CNTNAP2: variants seen among roughly 807,000 people sequenced by gnomAD.
The protein encoded by CNTNAP2 is contactin-associated protein-like 2.
CNTNAP2 carries 98 observed loss-of-function variants against 155.2 expected under a neutral mutation model. That is an observed-to-expected ratio of 0.63 (90% CI 0.54 to 0.75). The LOEUF is 0.75. Among genes scored for constraint, CNTNAP2 ranks in the 30% least tolerant of loss-of-function variants. The pLI, the probability that CNTNAP2 is intolerant of heterozygous loss-of-function variation, is 0.00. For synonymous variants in CNTNAP2, 651 were observed against 631.2 expected, an observed-to-expected ratio of 1.03 and a Z score of -0.47; for missense variants, 1,727 against 1,688.1, an observed-to-expected ratio of 1.02 and a Z score of -0.40.
At chr7:146,594,433 T>TACACACACACACACACAC (rs4016062) in intron 1 of CNTNAP2, among the ~76,000 whole-genome samples, 16 of 149,344 alleles carry the variant, frequency 1.1e-4, no homozygotes, top group African/African-American at 3.7e-4. Context: ...TACTAGTGTT[T>TACACACACACACACACAC]ACACACACAC....
At chr7:146,644,904 A>G (rs1585022212) in intron 1 of CNTNAP2, among the ~76,000 whole-genome samples, 1 of 152,128 alleles carries the variant, frequency 6.6e-6, no homozygotes, top group Non-Finnish European at 1.5e-5. Context: ...CCAGAGGTAC[A>G]AGGAGGAACT....
chr7:147,089,427 CTT>C (rs1800351270), intron 4 of CNTNAP2, among the ~76,000 whole-genome samples: 1 of 152,128 alleles, frequency 6.6e-6, no homozygotes, highest in Admixed American at 6.5e-5. Context: ...GAAAAACATT[CTT>C]GTCTTGTTTT....
intron 13 of CNTNAP2, among the ~76,000 whole-genome samples, chr7:147,730,272 G>C (rs1257675083): frequency 6.6e-6 from 1 of 152,060 alleles, no homozygotes; most frequent in Non-Finnish European, 1.5e-5. Context: ...ATTGGGTTTT[G>C]CTTTATTGAG....
intron 8 of CNTNAP2, among the ~76,000 whole-genome samples, chr7:147,219,434 C>G (rs111855362): frequency 3.3e-5 from 5 of 152,256 alleles, no homozygotes; most frequent in African/African-American, 9.6e-5. Context: ...AGTCCAAAAG[C>G]TGAAGAACTT....
At chr7:147,675,751 G>A (rs1028279231) in intron 13 of CNTNAP2, among the ~76,000 whole-genome samples, 12 of 151,948 alleles carry the variant, frequency 7.9e-5, no homozygotes, top group East Asian at 1.9e-4. Context: ...AGGGGTTAGC[G>A]TTTGGGCATG....
chr7:147,549,403 C>T (rs1178262399), intron 11 of CNTNAP2, among the ~76,000 whole-genome samples: 1 of 151,938 alleles, frequency 6.6e-6, no homozygotes, highest in Non-Finnish European at 1.5e-5. Flanking sequence ...TCTCTGCTTA[C>T]CTATTGTTGG....
chr7:147,195,319 TGTG>T (rs1802767388), intron 8 of CNTNAP2, among the ~76,000 whole-genome samples: 1 of 152,206 alleles, frequency 6.6e-6, no homozygotes, highest in African/African-American at 2.4e-5. Context: ...TTTTGGTTAC[TGTG>T]GTCTTATAGG....
intron 20 of CNTNAP2, among the ~76,000 whole-genome samples, chr7:148,250,000 G>C (rs1013742178): frequency 1.3e-5 from 2 of 152,196 alleles, no homozygotes; most frequent in African/African-American, 4.8e-5. Flanking sequence ...GACAGTCCTC[G>C]TTTCTCTGAG....
intron 1 of CNTNAP2, among the ~76,000 whole-genome samples, chr7:146,183,396 C>A (rs1798576748): frequency 6.6e-6 from 1 of 151,980 alleles, no homozygotes; most frequent in Non-Finnish European, 1.5e-5. Context: ...ACTTTCATGG[C>A]CTTCCAGCAT....
At chr7:146,644,365 G>C (rs1277817018) in intron 1 of CNTNAP2, among the ~76,000 whole-genome samples, 1 of 152,094 alleles carries the variant, frequency 6.6e-6, no homozygotes, top group Non-Finnish European at 1.5e-5. Context: ...TTAGCATGAA[G>C]GGTTGTTGAA....
chr7:148,240,545 T>C (rs1032191889), intron 20 of CNTNAP2, among the ~76,000 whole-genome samples: 1 of 152,168 alleles, frequency 6.6e-6, no homozygotes, highest in African/African-American at 2.4e-5. Context: ...AGGTTATTAT[T>C]AAGACATAAA....
At chr7:146,836,296 C>T (rs1585114825) in intron 2 of CNTNAP2, among the ~76,000 whole-genome samples, 1 of 151,976 alleles carries the variant, frequency 6.6e-6, no homozygotes, top group East Asian at 1.9e-4. Context: ...AACTTCAACC[C>T]TCTGTCCAGC....
intron 2 of CNTNAP2, among the ~76,000 whole-genome samples, chr7:146,785,830 A>G (rs1802566246): frequency 6.6e-6 from 1 of 152,252 alleles, no homozygotes; most frequent in African/African-American, 2.4e-5. Flanking sequence ...TTGAGCTGAT[A>G]AAGCATGCCT....
intron 11 of CNTNAP2, among the ~76,000 whole-genome samples, chr7:147,552,571 AACACACACACACAC>A (rs34755315): frequency 1.4e-5 from 2 of 142,894 alleles, no homozygotes; most frequent in Admixed American, 6.9e-5. Flanking sequence ...TACTTTCCTC[AACACACACACACAC>A]ACACACACAC....
intron 15 of CNTNAP2, among the ~76,000 whole-genome samples, chr7:148,081,359 A>G (rs1405947837): frequency 1.3e-5 from 2 of 152,146 alleles, no homozygotes; most frequent in South Asian, 4.1e-4. Flanking sequence ...AAAGGAGATT[A>G]ACATTTGAGT....
chr7:147,045,785 T>G (rs1288417841), intron 4 of CNTNAP2, among the ~76,000 whole-genome samples: 7 of 152,104 alleles, frequency 4.6e-5, no homozygotes, highest in African/African-American at 1.7e-4. Context: ...AAGAGCCATG[T>G]TTAACTTTTA....
chr7:146,634,320 A>G (rs916627841), intron 1 of CNTNAP2, among the ~76,000 whole-genome samples: 5 of 152,232 alleles, frequency 3.3e-5, no homozygotes, highest in Admixed American at 1.3e-4. Flanking sequence ...TCAATACAGA[A>G]GTAACATATT....
At chr7:146,180,801 A>T (rs1798538864) in intron 1 of CNTNAP2, among the ~76,000 whole-genome samples, 2 of 152,182 alleles carry the variant, frequency 1.3e-5, no homozygotes, top group South Asian at 2.1e-4. Flanking sequence ...ACAAAATTTT[A>T]AAAAATGTTC....
intron 1 of CNTNAP2, among the ~76,000 whole-genome samples, chr7:146,151,646 ATATATATATATATATATATATAT>A (rs1798042238): frequency 5.7e-5 from 4 of 70,282 alleles, no homozygotes; most frequent in African/African-American, 1.5e-4. Flanking sequence ...ATATATATAT[ATATATATATATATATATATATAT>A]ATATATATAT....
Sources: allele counts gnomAD v4.1 joint callset (sites outside exome capture counted in the v4.1 genomes callset), GRCh38; gene constraint gnomAD v4.1.1; transcripts MANE v1.5; gene names NCBI Gene and HGNC (gene_info 2026-07-23, HGNC 2026-07-21).